The following SNX13 variants were observed in gnomAD, a reference collection of about 807,000 sequenced individuals.
SNX13 encodes sorting nexin 13.
A neutral mutation model predicts 133.6 loss-of-function variants in SNX13; 45 were observed. The observed-to-expected ratio is 0.34, with a 90% confidence interval of 0.27 to 0.43. The LOEUF (loss-of-function observed/expected upper bound fraction) is 0.43, where lower values mean the gene tolerates loss of function less well. Among genes scored for constraint, SNX13 ranks in the 20% least tolerant of loss-of-function variants. The pLI is 1.00. For synonymous variants in SNX13, 414 were observed against 373.9 expected (o/e 1.11, Z -1.24); for missense variants, 1,032 against 1,145.1 (o/e 0.90, Z 1.43).
chr7:17,847,891 T>G (rs989236760), intron 11 of SNX13, among the ~76,000 whole-genome samples: 2 of 152,152 alleles, frequency 1.3e-5, no homozygotes, highest in Non-Finnish European at 2.9e-5. Flanking sequence ...CTTTCCCTTT[T>G]ATAAACACTT....
intron 1 of SNX13, among the ~76,000 whole-genome samples, chr7:17,906,458 A>G (rs986722761): frequency 6.6e-6 from 1 of 152,072 alleles, no homozygotes; most frequent in African/African-American, 2.4e-5. Context: ...TAAAAAAACC[A>G]TTTGATCAAA....
chr7:17,805,210 TTTGTGTGTGTG>T (rs1411945583), intron 20 of SNX13, among the ~76,000 whole-genome samples: 3 of 114,418 alleles, frequency 2.6e-5, no homozygotes, highest in African/African-American at 9.8e-5. Context: ...CTAATGATTC[TTTGTGTGTGTG>T]TGTGTGTGTG....
At chr7:17,832,072 T>G in intron 15 of SNX13, 1 of 982,716 alleles carries the variant, frequency 1.0e-6, no homozygotes, top group Non-Finnish European at 1.2e-6. Context: ...ATAAGATACA[T>G]AAGTATATAA....
At chr7:17,884,774 C>G (rs1438676903) in intron 5 of SNX13, among the ~76,000 whole-genome samples, 1 of 152,110 alleles carries the variant, frequency 6.6e-6, no homozygotes. Flanking sequence ...AAAAGATGCT[C>G]GATATCACTA....
chr7:17,800,773 T>A (rs141958633), intron 22 of SNX13, among the ~76,000 whole-genome samples: 2 of 151,584 alleles, frequency 1.3e-5, no homozygotes, highest in African/African-American at 4.8e-5. Context: ...GACAGACGCA[T>A]AAGACAGAAC....
intron 9 of SNX13, among the ~76,000 whole-genome samples, chr7:17,857,715 G>A (rs1445416048): frequency 1.3e-5 from 2 of 152,002 alleles, no homozygotes; most frequent in Non-Finnish European, 2.9e-5. Flanking sequence ...AACCTGGGAG[G>A]TGGAGGTTAC....
intron 21 of SNX13, among the ~76,000 whole-genome samples, chr7:17,802,410 G>C (rs999306419): frequency 6.6e-6 from 1 of 152,040 alleles, no homozygotes; most frequent in Non-Finnish European, 1.5e-5. Context: ...TTAACAAAAT[G>C]TTAGATGGAA....
intron 16 of SNX13, 141 bp from the exon 17 acceptor site, chr7:17,826,232 T>G: frequency 2.2e-6 from 1 of 463,462 alleles, no homozygotes. Flanking sequence ...CTCCATCCCC[T>G]CCATACACAA....
rs1331797441 is a variant in SNX13 at position 17,834,176 on chromosome 7, T to C, written c.1473A>G (p.Glu491=). ...AAAATCTTTCATCTCGTAGCATCAA[T>C]TCATATACCTTGGTGAAATAAATCA... ...IFDDIQRKVY[E]LMLRDERFYP... is the part of the protein sequence containing the mutation. Residue 491 remains glutamate, a synonymous_variant, in exon 15 of 26, where the codon GAA becomes GAG. Transcript: ENST00000428135. 2 of 1,571,250 alleles carry C rather than the reference T, an allele frequency of 1.3e-6. No individual in the cohort carries two copies. Among genetic ancestry groups the C allele is most frequent in the Non-Finnish European group, 1.7e-6 (2 of 1,154,474 alleles).
chr7:17,881,046 C>G (rs114135023), intron 5 of SNX13: 1 of 151,974 alleles, frequency 6.6e-6, no homozygotes, highest in Non-Finnish European at 1.5e-5. Flanking sequence ...GGAAAAGGTG[C>G]CTTATGTCAA....
At chr7:17,807,049 C>T (rs1380036590) in intron 20 of SNX13, among the ~76,000 whole-genome samples, 1 of 152,148 alleles carries the variant, frequency 6.6e-6, no homozygotes, top group Non-Finnish European at 1.5e-5. Flanking sequence ...AGACACCAAG[C>T]TAGCTGCAGG....
chr7:17,793,385 T>C lies in SNX13; in HGVS notation c.*660A>G, dbSNP rs557213165. The C allele has an allele frequency of 5.3e-5, 8 of 151,950 alleles. No homozygotes were observed. The highest frequency in any genetic ancestry group is 1.9e-4 in the African/African-American group (8 of 41,492). The allele number at this position is 151,950 out of a possible 1,614,324, so 9.4% of individuals were successfully genotyped here. On this transcript the variant is annotated 3_prime_UTR_variant, in exon 26 of 26. Coordinates refer to ENST00000428135, the MANE Select transcript of SNX13 (RefSeq NM_015132.5). ...CTTAAAGCACACATAAGAATAAAAA[T>C]TGTTGTATACCAATGAATAACAAAT...
At chr7:17,903,642 G>C (rs1479387386) in intron 1 of SNX13, among the ~76,000 whole-genome samples, 1 of 152,084 alleles carries the variant, frequency 6.6e-6, no homozygotes, top group Non-Finnish European at 1.5e-5. Context: ...CAATAAAAAA[G>C]TTTTTAAAAA....
intron 18 of SNX13, among the ~76,000 whole-genome samples, chr7:17,820,736 C>G (rs930935129): frequency 6.6e-6 from 1 of 152,144 alleles, no homozygotes; most frequent in East Asian, 1.9e-4. Flanking sequence ...TTTAGCTCAC[C>G]CAATCAGATG....
In SNX13 at chr7:17,861,141, G is replaced by C. The variant is rs1792620319; in HGVS notation, c.837+7266C>G. 2.0e-5 allele frequency among the ~76,000 whole-genome samples: 3 copies of C among 152,008 alleles called. No individual in the cohort carries two copies. The South Asian group carries it at 6.2e-4, about 32-fold the overall frequency. On this transcript the variant is annotated intron_variant, in intron 9 of 25. Coordinates refer to ENST00000428135, the MANE Select transcript of SNX13 (RefSeq NM_015132.5). ...CATGATCTTCCCACTTCAGCCTCTG[G>C]AGTAGCTAGGACCACAAGTATGCAC...
chr7:17,790,815 A>T lies in SNX13; in HGVS notation c.*3230T>A, dbSNP rs1435438093. On this transcript the variant is annotated 3_prime_UTR_variant, in exon 26 of 26. Coordinates refer to ENST00000428135, the MANE Select transcript of SNX13 (RefSeq NM_015132.5). ...AATGGACAGAACACAAACCAAATAA[A>T]TTTTTTAATCCTTTTAGTTGAATAA... is the stretch of plus-strand genomic sequence containing the variant. 1 of 152,086 alleles carries T rather than the reference A, an allele frequency of 6.6e-6. No individual in the cohort carries two copies. The highest frequency in any genetic ancestry group is 1.5e-5 in the Non-Finnish European group (1 of 67,922). 9.4% of individuals were successfully genotyped at this position (152,086 alleles called of 1,614,324 possible).
chr7:17,807,165 G>C (rs1265782065), intron 20 of SNX13, among the ~76,000 whole-genome samples: 1 of 152,090 alleles, frequency 6.6e-6, no homozygotes, highest in African/African-American at 2.4e-5. Context: ...TAGCTCAGCA[G>C]ATCCCACCCC....
intron 13 of SNX13, among the ~76,000 whole-genome samples, chr7:17,835,541 A>G (rs182277703): frequency 2.6e-5 from 4 of 152,108 alleles, no homozygotes; most frequent in Admixed American, 2.0e-4. Context: ...TTACTTTATT[A>G]AAAGAAAAAA....
At chr7:17,873,456 T>A in intron 8 of SNX13, 72 bp downstream of exon 8, 1 of 841,804 alleles carries the variant, frequency 1.2e-6, no homozygotes, top group African/African-American at 5.7e-5. Context: ...AACAGGGTCT[T>A]AAGACAAAAA....
Sources: allele counts gnomAD v4.1 joint callset (sites outside exome capture counted in the v4.1 genomes callset), GRCh38; gene constraint gnomAD v4.1.1; transcripts MANE v1.5; gene names NCBI Gene and HGNC (gene_info 2026-07-23, HGNC 2026-07-21).